The following PRKCB variants were observed in gnomAD, a reference collection of about 807,000 sequenced individuals.
The protein encoded by PRKCB is protein kinase C beta, also known as protein kinase C beta type.
In PRKCB, 13 loss-of-function variants were observed where a neutral mutation model predicts 81.5. That is an observed-to-expected ratio of 0.16 (90% CI 0.10 to 0.25). The LOEUF is 0.25. PRKCB is among the 10% of genes least tolerant of loss of function. The probability of loss-of-function intolerance (pLI) is 1.00; values close to 1 mark genes in which losing one functional copy is unlikely to be tolerated. For missense variants in PRKCB, 509 were observed against 875.7 expected, an observed-to-expected ratio of 0.58 and a Z score of 5.29; for synonymous variants, 335 against 321.4, an observed-to-expected ratio of 1.04 and a Z score of -0.45.
intron 5 of PRKCB, among the ~76,000 whole-genome samples, chr16:24,042,235 T>C (rs1273746524): frequency 2.0e-5 from 3 of 152,170 alleles, no homozygotes; most frequent in Admixed American, 2.0e-4. Context: ...AGTCTCTGCC[T>C]TCAAAGCCAT....
intron 5 of PRKCB, among the ~76,000 whole-genome samples, chr16:24,089,918 T>C (rs1966357303): frequency 6.6e-6 from 1 of 152,220 alleles, no homozygotes; most frequent in African/African-American, 2.4e-5. Context: ...GGTTCTGTGC[T>C]AAACATGTAT....
chr16:23,922,820 T>C (rs1299681756), intron 2 of PRKCB, among the ~76,000 whole-genome samples: 1 of 150,304 alleles, frequency 6.7e-6, no homozygotes, highest in Non-Finnish European at 1.5e-5. Flanking sequence ...TTTATAATTA[T>C]GGCTTCATGG....
chr16:24,106,213 G>A (rs911131996), intron 7 of PRKCB, among the ~76,000 whole-genome samples: 6 of 151,976 alleles, frequency 3.9e-5, no homozygotes, highest in South Asian at 2.1e-4. Context: ...AAGTTACTTC[G>A]CCTCTCTGTG....
chr16:23,981,963 T>C (rs1292548433), intron 2 of PRKCB, among the ~76,000 whole-genome samples: 3 of 103,936 alleles, frequency 2.9e-5, no homozygotes, highest in Non-Finnish European at 6.1e-5. Context: ...CCCTTCACTT[T>C]CCCTTCCCCT....
chr16:24,183,592 C>A (rs1967660120), intron 13 of PRKCB, among the ~76,000 whole-genome samples: 1 of 152,176 alleles, frequency 6.6e-6, no homozygotes, highest in African/African-American at 2.4e-5. Context: ...GTTAAACAAG[C>A]AATAACTGAA....
chr16:23,941,484 T>C (rs759402724), intron 2 of PRKCB, among the ~76,000 whole-genome samples: 2 of 152,174 alleles, frequency 1.3e-5, no homozygotes, highest in Non-Finnish European at 2.9e-5. Context: ...ATTTCACTTA[T>C]AAACACAGAG....
chr16:24,052,928 G>C lies in PRKCB; in HGVS notation c.529+17381G>C, dbSNP rs150029144. Among the ~76,000 whole-genome samples, 625 of 152,280 alleles carry C rather than the reference G, an allele frequency of 4.1e-3. 1 individual carries two copies. The highest frequency in any genetic ancestry group is 0.014 in the African/African-American group (580 of 41,562). Reference sequence around the variant, plus strand: ...CTTATTTTACCCAGCCCCTATTCAAGATGGAGTCACTCTGGTTCAAACATC... The same window carrying C: ...CTTATTTTACCCAGCCCCTATTCAACATGGAGTCACTCTGGTTCAAACATC... On this transcript the variant is annotated intron_variant, in intron 5 of 16. Coordinates refer to ENST00000643927, the MANE Select transcript of PRKCB (RefSeq NM_002738.7).
At chr16:23,948,231 G>A (rs1476034656) in intron 2 of PRKCB, among the ~76,000 whole-genome samples, 2 of 152,092 alleles carry the variant, frequency 1.3e-5, no homozygotes, top group African/African-American at 2.4e-5. Flanking sequence ...TGGTGGCAGC[G>A]GGTTCTGTAC....
intron 2 of PRKCB, among the ~76,000 whole-genome samples, chr16:23,980,049 C>T (rs1964674368): frequency 6.6e-6 from 1 of 152,216 alleles, no homozygotes; most frequent in Non-Finnish European, 1.5e-5. Context: ...TGCACCATTG[C>T]ACTCCAGCCT....
chr16:23,882,525 A>G (rs375398351), intron 2 of PRKCB, among the ~76,000 whole-genome samples: 1 of 152,172 alleles, frequency 6.6e-6, no homozygotes, highest in African/African-American at 2.4e-5. Context: ...GGCGTGAGCC[A>G]TTGCTCCTGG....
intron 2 of PRKCB, among the ~76,000 whole-genome samples, chr16:23,906,158 A>G (rs990725891): frequency 2.6e-5 from 4 of 152,228 alleles, no homozygotes; most frequent in Non-Finnish European, 5.9e-5. Context: ...ATCTGTTCAC[A>G]CTTCCCTCAG....
intron 8 of PRKCB, among the ~76,000 whole-genome samples, chr16:24,113,573 A>G (rs1966704407): frequency 9.1e-6 from 1 of 110,182 alleles, no homozygotes; most frequent in Non-Finnish European, 1.7e-5. Context: ...CTCTCTTTTC[A>G]TTCTTTCTCC....
intron 9 of PRKCB, among the ~76,000 whole-genome samples, chr16:24,140,615 G>A (rs1478752970): frequency 6.6e-6 from 1 of 152,128 alleles, no homozygotes; most frequent in Admixed American, 6.5e-5. Context: ...CTTCTGGGTG[G>A]GGTCGCAGGA....
In PRKCB at chr16:24,220,175, A is replaced by T. The variant is rs893056125; in HGVS notation, c.*5359A>T. The T allele has an allele frequency of 1.9e-6, 3 of 1,584,190 alleles. No individual in the cohort carries two copies. In the Admixed American group the frequency reaches 5.1e-5, roughly 27 times the overall value. On this transcript the variant is annotated 3_prime_UTR_variant, in exon 17 of 17. Coordinates refer to ENST00000643927, the MANE Select transcript of PRKCB (RefSeq NM_002738.7). ...GACTTCAAGCCAAGCGTATGTATCA[A>T]TTCTAGTCTTCCAGGATTCACGGTG...
At chr16:23,839,770 A>G (rs909234858) in intron 2 of PRKCB, among the ~76,000 whole-genome samples, 6 of 152,224 alleles carry the variant, frequency 3.9e-5, no homozygotes, top group African/African-American at 1.4e-4. Flanking sequence ...AGTCAGTAAC[A>G]GTACCATAGT....
chr16:24,045,771 C>T (rs1356779060), intron 5 of PRKCB, among the ~76,000 whole-genome samples: 2 of 152,224 alleles, frequency 1.3e-5, no homozygotes, highest in African/African-American at 4.8e-5. Flanking sequence ...TAACAACATC[C>T]CCTGGGGATG....
intron 3 of PRKCB, among the ~76,000 whole-genome samples, chr16:24,031,403 G>A (rs9302421): frequency 0.75 from 114,533 of 152,096 alleles, 43,893 homozygotes; most frequent in African/African-American, 0.89. Flanking sequence ...AACCAGTGGG[G>A]AGAGGGAAAG....
At chr16:24,036,441 A>G (rs1263132640) in intron 5 of PRKCB, among the ~76,000 whole-genome samples, 1 of 152,188 alleles carries the variant, frequency 6.6e-6, no homozygotes, top group Non-Finnish European at 1.5e-5. Context: ...TGTGGACTTT[A>G]TATATCTAAT....
chr16:23,923,814 A>G (rs1211269076), intron 2 of PRKCB, among the ~76,000 whole-genome samples: 1 of 152,084 alleles, frequency 6.6e-6, no homozygotes, highest in Non-Finnish European at 1.5e-5. Flanking sequence ...GACACGGGTG[A>G]ACATGTAAGG....
Sources: allele counts gnomAD v4.1 joint callset (sites outside exome capture counted in the v4.1 genomes callset), GRCh38; gene constraint gnomAD v4.1.1; transcripts MANE v1.5; gene names NCBI Gene and HGNC (gene_info 2026-07-23, HGNC 2026-07-21).